RYR2: variants seen among roughly 807,000 people sequenced by gnomAD.
RYR2 encodes the protein ryanodine receptor 2, also known as cardiac muscle ryanodine receptor-calcium release channel.
In RYR2, 227 loss-of-function variants were observed where a neutral mutation model predicts 601.1. The ratio of observed to expected loss-of-function variants is 0.38; its 90% CI spans 0.34 to 0.42. The LOEUF is 0.42. Among genes scored for constraint, RYR2 ranks in the 10% least tolerant of loss-of-function variants. The pLI, the probability that RYR2 is intolerant of heterozygous loss-of-function variation, is 1.00. For synonymous variants in RYR2, 2,223 were observed against 2,175.1 expected, an observed-to-expected ratio of 1.02 and a Z score of -0.61; for missense variants, 4,646 against 6,156.5, an observed-to-expected ratio of 0.75 and a Z score of 8.21.
chr1:237,248,639 TATG>T (rs940227987), intron 1 of RYR2, among the ~76,000 whole-genome samples: 9 of 152,150 alleles, frequency 5.9e-5, no homozygotes, highest in African/African-American at 1.9e-4. Context: ...AACCCATTTT[TATG>T]ATGAAGAGAC....
intron 98 of RYR2, 145 bp downstream of exon 98, chr1:237,802,061 G>C (rs1342188118): frequency 2.2e-6 from 1 of 461,420 alleles, no homozygotes; most frequent in Non-Finnish European, 3.9e-6. Flanking sequence ...GAGACCCACA[G>C]AATGATATGA....
intron 1 of RYR2, among the ~76,000 whole-genome samples, chr1:237,207,140 C>G (rs1205814345): frequency 1.7e-5 from 2 of 117,580 alleles, no homozygotes; most frequent in Non-Finnish European, 3.7e-5. Flanking sequence ...AAACCTGTCT[C>G]TACCAAAAAA....
intron 1 of RYR2, among the ~76,000 whole-genome samples, chr1:237,210,791 G>C (rs1201985611): frequency 1.3e-5 from 2 of 152,200 alleles, no homozygotes; most frequent in African/African-American, 4.8e-5. Context: ...GGTAGGCTTA[G>C]ATTCCTAGGG....
At chr1:237,331,034 A>G (rs747076377) in intron 3 of RYR2, 52 bp downstream of exon 3, 12 of 1,408,866 alleles carry the variant, frequency 8.5e-6, no homozygotes, top group South Asian at 4.6e-5. Context: ...CTCAGCTACT[A>G]TAGGAACAAT....
At chr1:237,595,950 C>T (rs1675851894) in intron 34 of RYR2, among the ~76,000 whole-genome samples, 1 of 152,112 alleles carries the variant, frequency 6.6e-6, no homozygotes, top group African/African-American at 2.4e-5. Context: ...ACATAAATTA[C>T]AGCTGAAGAA....
intron 1 of RYR2, among the ~76,000 whole-genome samples, chr1:237,129,868 T>C (rs1423066940): frequency 6.6e-6 from 1 of 152,114 alleles, no homozygotes; most frequent in Non-Finnish European, 1.5e-5. Context: ...ATCTCACTTA[T>C]ATGTGGAATC....
intron 1 of RYR2, among the ~76,000 whole-genome samples, chr1:237,147,199 G>T (rs989939857): frequency 3.3e-5 from 5 of 151,892 alleles, no homozygotes; most frequent in South Asian, 2.1e-4. Flanking sequence ...ATGAGAGATT[G>T]AGAAATCTTT....
intron 95 of RYR2, 114 bp downstream of exon 95, chr1:237,794,111 A>G (rs898670109): frequency 4.7e-6 from 4 of 851,044 alleles, no homozygotes; most frequent in Non-Finnish European, 7.2e-6. Flanking sequence ...TAATAGTTAT[A>G]TATTCAGCCA....
intron 2 of RYR2, among the ~76,000 whole-genome samples, chr1:237,277,117 A>C (rs1399951374): frequency 6.6e-6 from 1 of 152,234 alleles, no homozygotes; most frequent in Non-Finnish European, 1.5e-5. Context: ...TCAATACGAT[A>C]AATCAATTAA....
At chr1:237,235,466 A>G (rs1450423765) in intron 1 of RYR2, among the ~76,000 whole-genome samples, 1 of 152,216 alleles carries the variant, frequency 6.6e-6, no homozygotes, top group Non-Finnish European at 1.5e-5. Flanking sequence ...TCTGTAAACC[A>G]TGGGAATGTT....
At chr1:237,774,056 G>A (rs1377330673) in intron 87 of RYR2, among the ~76,000 whole-genome samples, 1 of 152,178 alleles carries the variant, frequency 6.6e-6, no homozygotes, top group African/African-American at 2.4e-5. Flanking sequence ...GTATATTATA[G>A]ATAAAATTCC....
At chr1:237,360,098 A>G (rs961526779) in intron 4 of RYR2, among the ~76,000 whole-genome samples, 1 of 152,234 alleles carries the variant, frequency 6.6e-6, no homozygotes, top group Non-Finnish European at 1.5e-5. Flanking sequence ...TTAAAAATGC[A>G]TTTTAACACA....
At chr1:237,626,501 T>C (rs919012979) in intron 40 of RYR2, among the ~76,000 whole-genome samples, 1 of 151,642 alleles carries the variant, frequency 6.6e-6, no homozygotes, top group Non-Finnish European at 1.5e-5. Flanking sequence ...TTTTTCAGTG[T>C]CACAATCACA....
chr1:237,565,180 T>C (rs1424984776), intron 27 of RYR2, among the ~76,000 whole-genome samples: 1 of 56,462 alleles, frequency 1.8e-5, no homozygotes, highest in Non-Finnish European at 4.3e-5. Flanking sequence ...TCTTTCTTTC[T>C]TTCTTTCTTT....
intron 1 of RYR2, among the ~76,000 whole-genome samples, chr1:237,209,822 C>T (rs1056645278): frequency 6.6e-6 from 1 of 152,112 alleles, no homozygotes; most frequent in African/African-American, 2.4e-5. Flanking sequence ...TGCCACTGCA[C>T]TCCAGCCTAG....
At chr1:237,783,616 C>G in intron 89 of RYR2, 59 bp from the exon 90 acceptor site, 1 of 1,023,002 alleles carries the variant, frequency 9.8e-7, no homozygotes, top group East Asian at 2.6e-5. Flanking sequence ...TTGTTATCTT[C>G]TGTATGATCA....
intron 1 of RYR2, among the ~76,000 whole-genome samples, chr1:237,093,354 C>A (rs912240017): frequency 2.6e-5 from 4 of 152,162 alleles, no homozygotes; most frequent in African/African-American, 9.7e-5. Context: ...CTGAGACTTT[C>A]AGGAAAACTT....
intron 12 of RYR2, among the ~76,000 whole-genome samples, chr1:237,431,259 G>A (rs2150098937): frequency 6.6e-6 from 1 of 152,202 alleles, no homozygotes; most frequent in East Asian, 1.9e-4. Context: ...ATGAACTAGA[G>A]ACACTAACTC....
chr1:237,402,407 A>ATAT (rs556543881), intron 10 of RYR2, among the ~76,000 whole-genome samples: 2 of 149,904 alleles, frequency 1.3e-5, no homozygotes, highest in Non-Finnish European at 3.0e-5. Flanking sequence ...AAGAAAAAAA[A>ATAT]ATATATATAT....
Sources: allele counts gnomAD v4.1 joint callset (sites outside exome capture counted in the v4.1 genomes callset), GRCh38; gene constraint gnomAD v4.1.1; transcripts MANE v1.5; gene names NCBI Gene and HGNC (gene_info 2026-07-23, HGNC 2026-07-21).